EPB41: variants seen among roughly 807,000 people sequenced by gnomAD.
EPB41 encodes the protein erythrocyte membrane protein band 4.1.
A neutral mutation model predicts 108.0 loss-of-function variants in EPB41; 65 were observed. The observed-to-expected ratio is 0.60, with a 90% confidence interval of 0.49 to 0.74. The LOEUF is 0.74. Among genes scored for constraint, EPB41 ranks in the 30% least tolerant of loss-of-function variants. EPB41 has a pLI of 0.00. For synonymous variants in EPB41, 336 were observed against 358.9 expected, an observed-to-expected ratio of 0.94 and a Z score of 0.72; for missense variants, 875 against 1,037.0, an observed-to-expected ratio of 0.84 and a Z score of 2.15.
At chr1:28,940,009 G>A (rs2094208329) in intron 1 of EPB41, among the ~76,000 whole-genome samples, 1 of 152,158 alleles carries the variant, frequency 6.6e-6, no homozygotes, top group Admixed American at 6.6e-5. Context: ...GGAGGATCCA[G>A]TATGGCCTTG....
At chr1:28,953,289 G>A (rs186580389) in intron 1 of EPB41, among the ~76,000 whole-genome samples, 1 of 150,604 alleles carries the variant, frequency 6.6e-6, no homozygotes, top group East Asian at 2.0e-4. Flanking sequence ...CCATGGTAGA[G>A]TTTAATAGGT....
At chr1:28,924,589 T>TTCATCCACAGAAACTG (rs1553168071) in intron 1 of EPB41, among the ~76,000 whole-genome samples, 2 of 152,180 alleles carry the variant, frequency 1.3e-5, no homozygotes, top group Non-Finnish European at 2.9e-5. Context: ...GCCTGGATTC[T>TTCATCCACAGAAACTG]TCATCCACAG....
intron 18 of EPB41, among the ~76,000 whole-genome samples, chr1:29,111,935 C>T (rs1174362970): frequency 6.6e-6 from 1 of 151,662 alleles, no homozygotes; most frequent in Non-Finnish European, 1.5e-5. Context: ...CGAGATCACA[C>T]CACTACACTC....
intron 1 of EPB41, among the ~76,000 whole-genome samples, chr1:28,919,150 A>T (rs369534935): frequency 1.3e-3 from 194 of 152,356 alleles, no homozygotes; most frequent in Middle Eastern, 3.4e-3. Flanking sequence ...CTTTGCTTCA[A>T]ATATTGGTTT....
rs768736602 is a variant in EPB41 at position 29,009,294 on chromosome 1, G to A, written c.787-2571G>A. 3.9e-5 allele frequency among the ~76,000 whole-genome samples: 6 copies of A among 152,254 alleles called. No individual in the cohort carries two copies. In the South Asian group the frequency reaches 1.0e-3, roughly 26 times the overall value. The stretch of plus-strand genomic sequence containing the variant: ...ACATTGATTTTTATTATCTCCAGAA[G>A]ATTTTGTTTTTGATTTTGATTTGGA... On this transcript the variant is annotated intron_variant, in intron 4 of 20. Transcript: ENST00000343067.
intron 17 of EPB41, among the ~76,000 whole-genome samples, chr1:29,105,889 G>A (rs1037749023): frequency 1.3e-5 from 2 of 151,804 alleles, no homozygotes; most frequent in African/African-American, 2.4e-5. Context: ...CTGGACTACA[G>A]GCATGTATCA....
Position 28,940,657 on chromosome 1 carries a change from G to GA in EPB41, c.-8+25898dup, listed in dbSNP as rs966140267. The stretch of plus-strand genomic sequence containing the variant: ...ACAGAGCGAGACTCTGTGTCAAAAA[G>GA]AAAAAAAAATTAATATTTCTTGGAA... On this transcript the variant is annotated intron_variant, in intron 1 of 20. Coordinates refer to ENST00000343067, the MANE Select transcript of EPB41 (RefSeq NM_001376013.1). Among the ~76,000 whole-genome samples, 92 of 150,788 alleles carry GA rather than the reference G, an allele frequency of 6.1e-4. 1 individual carries two copies. The South Asian group carries it at 0.011, about 18-fold the overall frequency.
At chr1:29,001,070 G>A (rs953703465) in intron 4 of EPB41, among the ~76,000 whole-genome samples, 1 of 152,092 alleles carries the variant, frequency 6.6e-6, no homozygotes, top group African/African-American at 2.4e-5. Context: ...GGGTGTGGTG[G>A]CTCATGCCTG....
intron 1 of EPB41, among the ~76,000 whole-genome samples, chr1:28,902,730 T>G (rs2091429934): frequency 6.6e-6 from 1 of 152,150 alleles, no homozygotes; most frequent in South Asian, 2.1e-4. Context: ...AGGGGCATTT[T>G]CTGATGCTCA....
At chr1:28,925,603 CAGTG>C (rs573343617) in intron 1 of EPB41, among the ~76,000 whole-genome samples, 127 of 152,154 alleles carry the variant, frequency 8.3e-4, no homozygotes, top group African/African-American at 2.6e-3. Flanking sequence ...TGGAGTAAGA[CAGTG>C]AGCTGTGCAG....
chr1:28,919,984 A>T (rs1189849906), intron 1 of EPB41, among the ~76,000 whole-genome samples: 1 of 152,126 alleles, frequency 6.6e-6, no homozygotes, highest in Non-Finnish European at 1.5e-5. Flanking sequence ...AGTTCTACCC[A>T]ATTAATCTAG....
chr1:29,090,314 A>G lies in EPB41; in HGVS notation c.2185-7493A>G, dbSNP rs116740003. 3.0e-3 allele frequency among the ~76,000 whole-genome samples: 461 copies of G among 152,334 alleles called. 3 individuals are homozygous for G. Among genetic ancestry groups the G allele is most frequent in the African/African-American group, 0.01 (428 of 41,574 alleles). ...ATTAAAGCAAATAGATAAAGTAGATATTAAAATGGAATAAAAATGCCTTGA... is the reference window on the plus strand; with the variant it reads ...ATTAAAGCAAATAGATAAAGTAGATGTTAAAATGGAATAAAAATGCCTTGA... On this transcript the variant is annotated intron_variant, in intron 16 of 20. Coordinates refer to ENST00000343067, the MANE Select transcript of EPB41 (RefSeq NM_001376013.1).
At chr1:29,073,268 C>T (rs968542324) in intron 16 of EPB41, among the ~76,000 whole-genome samples, 8 of 152,016 alleles carry the variant, frequency 5.3e-5, no homozygotes, top group African/African-American at 1.9e-4. Flanking sequence ...GGTATCAATA[C>T]AGACCAGTAT....
chr1:28,986,688 G>A (rs1052968687), intron 1 of EPB41, among the ~76,000 whole-genome samples: 14 of 152,130 alleles, frequency 9.2e-5, no homozygotes. Flanking sequence ...CCAGCTCTTA[G>A]GGAGGCAGAG....
At chr1:29,096,228 G>A (rs1325631932) in intron 16 of EPB41, 1 of 985,748 alleles carries the variant, frequency 1.0e-6, no homozygotes, top group Non-Finnish European at 1.2e-6. Context: ...GACTCTGAAT[G>A]GGAGGGTCCC....
At chr1:28,933,215 G>A (rs896630507) in intron 1 of EPB41, among the ~76,000 whole-genome samples, 4 of 152,140 alleles carry the variant, frequency 2.6e-5, no homozygotes, top group African/African-American at 4.8e-5. Context: ...GGCAACATTT[G>A]TCTTTGAGTC....
rs1667012410 is a variant in EPB41 at position 29,105,943 on chromosome 1, T to C, written c.2314-3393T>C. Among the ~76,000 whole-genome samples the C allele has an allele frequency of 2.6e-5, 4 of 151,816 alleles. No homozygotes were observed. The South Asian group carries it at 6.2e-4, about 24-fold the overall frequency. On this transcript the variant is annotated intron_variant, in intron 17 of 20. Transcript: ENST00000343067. ...TTGGTATTTTGTGGTAGAGATAGGG[T>C]TTCATGATGTCGGCCAGGCTGGTCT...
At chr1:29,096,283 G>A (rs1399131926) in intron 16 of EPB41, 14 of 985,742 alleles carry the variant, frequency 1.4e-5, no homozygotes, top group South Asian at 4.7e-5. Flanking sequence ...CCACCTCGTC[G>A]GAGTCTCTGC....
intron 16 of EPB41, among the ~76,000 whole-genome samples, chr1:29,093,317 T>C (rs571742323): frequency 6.6e-6 from 1 of 152,312 alleles, no homozygotes; most frequent in South Asian, 2.1e-4. Context: ...TACTGAGCCT[T>C]TTTTCTTATG....
Sources: allele counts gnomAD v4.1 joint callset (sites outside exome capture counted in the v4.1 genomes callset), GRCh38; gene constraint gnomAD v4.1.1; transcripts MANE v1.5; gene names NCBI Gene and HGNC (gene_info 2026-07-23, HGNC 2026-07-21).